Variants in THADA observed in about 807,000 individuals in gnomAD.
The protein encoded by THADA is THADA armadillo repeat containing.
A neutral mutation model predicts 219.8 loss-of-function variants in THADA; 213 were observed. That is an observed-to-expected ratio of 0.97 (90% CI 0.87 to 1.09). The LOEUF is 1.09. Ranked by LOEUF, THADA falls within the 50% of genes least tolerant of loss-of-function variation. The pLI is 0.00. For missense variants in THADA, 2,956 were observed against 2,311.3 expected (o/e 1.28, Z -5.72); for synonymous variants, 1,018 against 828.9 (o/e 1.23, Z -3.92).
intron 17 of THADA, among the ~76,000 whole-genome samples, chr2:43,553,435 GGCCA>G (rs958449807): frequency 1.3e-5 from 2 of 152,130 alleles, no homozygotes; most frequent in Non-Finnish European, 2.9e-5. Context: ...AAAGAACAAA[GGCCA>G]GAGCTTGCTC....
At chr2:43,244,902 T>C (rs1320016278) in intron 36 of THADA, among the ~76,000 whole-genome samples, 2 of 152,160 alleles carry the variant, frequency 1.3e-5, no homozygotes, top group Non-Finnish European at 1.5e-5. Flanking sequence ...CTCCTGGACA[T>C]GGCAGCACCC....
At chr2:43,373,508 C>T (rs1281980624) in intron 29 of THADA, among the ~76,000 whole-genome samples, 1 of 151,834 alleles carries the variant, frequency 6.6e-6, no homozygotes, top group African/African-American at 2.4e-5. Context: ...CAGGGTCTCA[C>T]TCTGTCTCCC....
intron 22 of THADA, among the ~76,000 whole-genome samples, chr2:43,523,559 A>G (rs1692764964): frequency 6.6e-6 from 1 of 152,194 alleles, no homozygotes; most frequent in Non-Finnish European, 1.5e-5. Context: ...TTATATTTAA[A>G]TTGCTCATCA....
Position 43,577,185 on chromosome 2 carries a change from T to C in THADA, c.874A>G (p.Ser292Gly). 6.2e-7 allele frequency: 1 copy of C among 1,606,678 alleles called. No individual in the cohort carries two copies. The highest frequency in any genetic ancestry group is 1.7e-4 in the Middle Eastern group (1 of 6,058). The stretch of plus-strand genomic sequence containing the variant: ...CCACAACAGAGGCTCCTGCAGCTGC[T>C]CATAAACCACTCGGGGACACTGGTG... ...DCTSVPEWFM[S>G]SCRSLCCGDI... The change falls in exon 10 of 38, where the codon AGC (serine) becomes GGC (glycine). Residue 292 changes from serine to glycine, a missense_variant. Ser to Gly is a moderately conservative substitution (Grantham distance 56). Coordinates refer to ENST00000405975, the MANE Select transcript of THADA (RefSeq NM_022065.5).
At chr2:43,284,220 G>A (rs956554410) in intron 35 of THADA, among the ~76,000 whole-genome samples, 9 of 152,164 alleles carry the variant, frequency 5.9e-5, no homozygotes, top group Admixed American at 3.3e-4. Context: ...CAAGATGATG[G>A]GGAAAATGTC....
intron 1 of THADA, among the ~76,000 whole-genome samples, chr2:43,593,326 C>G (rs563138149): frequency 6.6e-6 from 1 of 152,232 alleles, no homozygotes; most frequent in South Asian, 2.1e-4. Flanking sequence ...TGGTTTGAAA[C>G]AGCTCAACAG....
chr2:43,328,068 T>C (rs1048680103), intron 30 of THADA, among the ~76,000 whole-genome samples: 2 of 152,296 alleles, frequency 1.3e-5, no homozygotes, highest in African/African-American at 4.8e-5. Flanking sequence ...AATGTGGAAG[T>C]ATAAATTAAA....
intron 26 of THADA, among the ~76,000 whole-genome samples, chr2:43,437,631 G>A (rs1024865440): frequency 5.9e-5 from 9 of 152,174 alleles, no homozygotes; most frequent in Non-Finnish European, 1.3e-4. Context: ...CCAGAAATGG[G>A]AGACAGATGC....
At chr2:43,442,223 G>A (rs1000499416) in intron 26 of THADA, among the ~76,000 whole-genome samples, 4 of 152,110 alleles carry the variant, frequency 2.6e-5, no homozygotes, top group Non-Finnish European at 4.4e-5. Flanking sequence ...ATCCCTTGAC[G>A]TCAGGAGTTT....
chr2:43,291,502 A>G (rs1395385474), intron 34 of THADA, among the ~76,000 whole-genome samples, 194 bp downstream of exon 34: 2 of 151,242 alleles, frequency 1.3e-5, no homozygotes, highest in Non-Finnish European at 2.9e-5. Flanking sequence ...AAGAGAAAAG[A>G]AAGGTGGTGT....
At position 43,541,311 on chromosome 2, in the gene THADA, C is replaced by T; in HGVS notation, c.3112G>A (p.Glu1038Lys). The change falls in exon 21 of 38, where the codon GAA becomes AAA. Residue 1038 changes from glutamate (E) to lysine (K), a missense_variant. Coordinates refer to ENST00000405975, the MANE Select transcript of THADA (RefSeq NM_022065.5). ...IDTSTEIKGK[E>K]VKTCDVTAQM... ...GCAGTTACATCACATGTTTTTACTTCTTTACCTTAAACAAAAAAAAACACA... is the reference window on the plus strand; with the variant it reads ...GCAGTTACATCACATGTTTTTACTTTTTTACCTTAAACAAAAAAAAACACA... 1.9e-6 allele frequency: 3 copies of T among 1,612,690 alleles called. No homozygotes were observed. The highest frequency in any genetic ancestry group is 2.5e-6 in the Non-Finnish European group (3 of 1,179,360).
intron 20 of THADA, among the ~76,000 whole-genome samples, chr2:43,543,738 T>C (rs6739345): frequency 6.6e-6 from 1 of 152,064 alleles, no homozygotes; most frequent in Non-Finnish European, 1.5e-5. Flanking sequence ...TCTTGTAAAT[T>C]TGTTTTGAGT....
rs1347884904 is a variant in THADA at position 43,297,995 on chromosome 2, AG to A, written c.4439-4783del. On this transcript the variant is annotated intron_variant, in intron 31 of 37. Coordinates refer to ENST00000405975, the MANE Select transcript of THADA (RefSeq NM_022065.5). Reference sequence around the variant, plus strand: ...CGGCCAGCCGCCCCGTCCGGGAGGGAGTGTGGGGGGGGTCAGCCCCCCGGCC... The same window carrying A: ...CGGCCAGCCGCCCCGTCCGGGAGGGATGTGGGGGGGGTCAGCCCCCCGGCC... Among the ~76,000 whole-genome samples, 2 of 304 alleles carry A rather than the reference AG, an allele frequency of 6.6e-3. 1 individual carries two copies. Among genetic ancestry groups the A allele is most frequent in the Non-Finnish European group, 0.02 (2 of 100 alleles). The allele number at this position is 304 out of a possible 152,430, so 0.2% of individuals were successfully genotyped here. A position where few individuals can be genotyped will look rare whatever the true frequency, so the allele number is the denominator to read the frequency against.
intron 26 of THADA, among the ~76,000 whole-genome samples, chr2:43,442,296 C>T (rs909432860): frequency 7.2e-5 from 11 of 151,948 alleles, no homozygotes; most frequent in East Asian, 1.9e-4. Context: ...TTTAGCTGGG[C>T]GTGGTGGTGC....
chr2:43,511,570 T>C (rs1168776108), intron 22 of THADA, among the ~76,000 whole-genome samples: 1 of 152,166 alleles, frequency 6.6e-6, no homozygotes, highest in Admixed American at 6.6e-5. Context: ...TACTTAAATC[T>C]AACCTTAACT....
intron 36 of THADA, among the ~76,000 whole-genome samples, chr2:43,278,846 G>C (rs772577465): frequency 6.7e-4 from 102 of 152,138 alleles, no homozygotes; most frequent in Non-Finnish European, 1.0e-3. Context: ...AATTACAAAG[G>C]CTTATCTGGC....
intron 31 of THADA, among the ~76,000 whole-genome samples, chr2:43,306,585 C>G (rs1676890172): frequency 6.6e-6 from 1 of 152,114 alleles, no homozygotes; most frequent in African/African-American, 2.4e-5. Context: ...CAATTTAGTT[C>G]TGGGAATGCC....
At chr2:43,320,281 T>C (rs1573050075) in intron 31 of THADA, among the ~76,000 whole-genome samples, 165 bp downstream of exon 31, 1 of 152,238 alleles carries the variant, frequency 6.6e-6, no homozygotes, top group Non-Finnish European at 1.5e-5. Context: ...CAAGTTTCCC[T>C]GACAAACTTC....
At chr2:43,299,763 A>T (rs1269920810) in intron 31 of THADA, among the ~76,000 whole-genome samples, 1 of 151,894 alleles carries the variant, frequency 6.6e-6, no homozygotes, top group Non-Finnish European at 1.5e-5. Context: ...ACAGTGGCTC[A>T]TGCCTGTAAT....
Sources: gnomAD v4.1 joint callset for allele counts (sites outside exome capture counted in the v4.1 genomes callset) on GRCh38, gnomAD v4.1.1 for gene constraint, MANE v1.5 for transcripts, NCBI Gene and HGNC (gene_info 2026-07-23, HGNC 2026-07-21) for gene names.